ADGRV1: variants seen among roughly 807,000 people sequenced by gnomAD.
The protein encoded by ADGRV1 is G-protein coupled receptor 98.
A neutral mutation model predicts 596.2 loss-of-function variants in ADGRV1; 359 were observed. The observed-to-expected ratio is 0.60, with a 90% CI of 0.55 to 0.66. The LOEUF (loss-of-function observed/expected upper bound fraction) is 0.66, where lower values mean the gene tolerates loss of function less well. Ranked by LOEUF, ADGRV1 falls within the 30% of genes least tolerant of loss-of-function variation. The pLI is 0.00. For synonymous variants in ADGRV1, 2,681 were observed against 2,679.2 expected (o/e 1.00, Z -0.02); for missense variants, 7,274 against 7,575.6 (o/e 0.96, Z 1.48).
At chr5:91,048,376 C>T (rs1013452792) in intron 85 of ADGRV1, among the ~76,000 whole-genome samples, 4 of 152,154 alleles carry the variant, frequency 2.6e-5, no homozygotes, top group African/African-American at 9.7e-5. Context: ...ACACTTTGGC[C>T]CAATAAACTT....
chr5:90,901,051 A>G (rs1369272433), intron 83 of ADGRV1, among the ~76,000 whole-genome samples: 1 of 152,052 alleles, frequency 6.6e-6, no homozygotes, highest in Non-Finnish European at 1.5e-5. Context: ...AAAATTTACT[A>G]CCTTTTTCCT....
chr5:90,799,234 G>A (rs1305484156), intron 70 of ADGRV1, among the ~76,000 whole-genome samples: 1 of 152,108 alleles, frequency 6.6e-6, no homozygotes, highest in Non-Finnish European at 1.5e-5. Context: ...CAAAGTCTCA[G>A]GATACAAAAT....
chr5:90,640,579 G>C (rs891475432), intron 11 of ADGRV1: 1 of 152,306 alleles, frequency 6.6e-6, no homozygotes, highest in Non-Finnish European at 1.5e-5. Context: ...AATGGGTCTT[G>C]ACAAGCTTGC....
intron 85 of ADGRV1, among the ~76,000 whole-genome samples, chr5:91,037,076 A>G (rs1427797284): frequency 1.3e-5 from 2 of 152,136 alleles, no homozygotes; most frequent in Non-Finnish European, 2.9e-5. Context: ...AGCAAGCAGC[A>G]CTGCTCCATG....
chr5:90,839,252 T>C (rs1370975801), intron 77 of ADGRV1, among the ~76,000 whole-genome samples: 2 of 152,178 alleles, frequency 1.3e-5, no homozygotes, highest in South Asian at 2.1e-4. Flanking sequence ...TCTCACTCTA[T>C]TGCCCAGGCT....
intron 85 of ADGRV1, among the ~76,000 whole-genome samples, chr5:90,992,889 T>C (rs144578340): frequency 4.9e-4 from 74 of 152,318 alleles, no homozygotes; most frequent in South Asian, 1.4e-3. Context: ...TTTAAACTTA[T>C]AGAAAAATTG....
chr5:90,712,494 A>G, intron 42 of ADGRV1, 66 bp downstream of exon 42: 2 of 1,148,246 alleles, frequency 1.7e-6, no homozygotes, highest in Non-Finnish European at 2.5e-6. Flanking sequence ...ATGGGGGAAG[A>G]TGTAAAGGAA....
At chr5:90,615,315 A>G (rs1763231195) in intron 2 of ADGRV1, among the ~76,000 whole-genome samples, 2 of 152,036 alleles carry the variant, frequency 1.3e-5, no homozygotes, top group South Asian at 2.1e-4. Context: ...GATTGTAGCT[A>G]TCTCTGCTCA....
At chr5:90,564,153 CAT>C (rs1418052701) in intron 1 of ADGRV1, among the ~76,000 whole-genome samples, 15 of 152,314 alleles carry the variant, frequency 9.8e-5, no homozygotes, top group African/African-American at 2.4e-4. Context: ...ATTTTGAGAA[CAT>C]ATGTGAAAGA....
Position 90,853,478 on chromosome 5 carries a change from A to G in ADGRV1, c.17399A>G (p.Tyr5800Cys), listed in dbSNP as rs768084663. ...STCKLVQFTE[Y>C]SSQQWFISGN... ...TGTAAATTAGTCCAGTTTACAGAGT[A>G]TAGCAGCCAACAGTGGTTTATAAGT... The change falls in exon 80 of 90, where the codon TAT (tyrosine) becomes TGT (cysteine). Residue 5800 changes from tyrosine (Y) to cysteine (C), a missense_variant. By Grantham distance (194) the Tyr-to-Cys change is radical (BLOSUM62 -2). Coordinates refer to ENST00000405460, the MANE Select transcript of ADGRV1 (RefSeq NM_032119.4). 6 of 1,613,114 alleles carry G rather than the reference A, an allele frequency of 3.7e-6. No homozygotes were observed. Among genetic ancestry groups the G allele is most frequent in the South Asian group, 1.1e-5 (1 of 90,990 alleles).
chr5:90,604,201 AAT>A (rs1234977988), intron 1 of ADGRV1, among the ~76,000 whole-genome samples: 3 of 152,054 alleles, frequency 2.0e-5, no homozygotes, highest in African/African-American at 7.2e-5. Flanking sequence ...TCTTGGCAAA[AAT>A]GATCTTTTAG....
At chr5:90,968,621 A>G (rs1042310470) in intron 84 of ADGRV1, among the ~76,000 whole-genome samples, 1 of 152,248 alleles carries the variant, frequency 6.6e-6, no homozygotes, top group Non-Finnish European at 1.5e-5. Context: ...AATTCTAGTT[A>G]GGTTACTTTT....
intron 84 of ADGRV1, among the ~76,000 whole-genome samples, chr5:90,971,375 A>G (rs115908062): frequency 0.011 from 1,635 of 152,270 alleles, 31 homozygotes; most frequent in African/African-American, 0.037. Flanking sequence ...CCTCGAGAAA[A>G]GCAACTCGAA....
intron 85 of ADGRV1, among the ~76,000 whole-genome samples, chr5:90,998,086 A>G (rs546074334): frequency 6.6e-6 from 1 of 152,332 alleles, no homozygotes; most frequent in Admixed American, 6.5e-5. Context: ...TATTATTTAC[A>G]TCATTTCCAT....
chr5:90,592,745 T>A (rs57536334), intron 1 of ADGRV1, among the ~76,000 whole-genome samples: 27,756 of 151,850 alleles, frequency 0.18, 2,676 homozygotes, highest in East Asian at 0.4. Context: ...TTAAACAAAT[T>A]CACAAGGAAA....
At chr5:90,623,166 T>C (rs889319542) in intron 5 of ADGRV1, among the ~76,000 whole-genome samples, 1 of 152,250 alleles carries the variant, frequency 6.6e-6, no homozygotes, top group African/African-American at 2.4e-5. Context: ...TTTTCTGATC[T>C]GATACATTTC....
At chr5:91,054,582 A>G (rs891977982) in intron 85 of ADGRV1, among the ~76,000 whole-genome samples, 9 of 152,262 alleles carry the variant, frequency 5.9e-5, no homozygotes, top group African/African-American at 2.2e-4. Flanking sequence ...ATATCAAGGC[A>G]CTGGCAGAAG....
At chr5:90,615,502 A>G (rs1176463689) in intron 2 of ADGRV1, among the ~76,000 whole-genome samples, 2 of 151,970 alleles carry the variant, frequency 1.3e-5, no homozygotes, top group African/African-American at 2.4e-5. Flanking sequence ...TGATCTATCT[A>G]GCACACAATT....
chr5:91,028,732 G>GTT (rs397998676), intron 85 of ADGRV1, among the ~76,000 whole-genome samples: 2,736 of 95,846 alleles, frequency 0.029, 227 homozygotes, highest in African/African-American at 0.097. Context: ...ACTAGACTCT[G>GTT]TTTTTTTTTT....
Sources: allele counts gnomAD v4.1 joint callset (sites outside exome capture counted in the v4.1 genomes callset), GRCh38; gene constraint gnomAD v4.1.1; transcripts MANE v1.5; gene names NCBI Gene and HGNC (gene_info 2026-07-23, HGNC 2026-07-21).